Variants in CDC42BPA observed in about 807,000 individuals in gnomAD.
The protein encoded by CDC42BPA is serine/threonine-protein kinase MRCK alpha.
CDC42BPA carries 80 observed loss-of-function variants against 223.5 expected under a neutral mutation model. The ratio of observed to expected loss-of-function variants is 0.36; its 90% confidence interval spans 0.30 to 0.43. The LOEUF (loss-of-function observed/expected upper bound fraction) is 0.43. Ranked by LOEUF, CDC42BPA falls within the 20% of genes least tolerant of loss-of-function variation. The pLI is 1.00. For synonymous variants in CDC42BPA, 694 were observed against 718.6 expected (o/e 0.97, Z 0.55); for missense variants, 1,743 against 2,099.9 (o/e 0.83, Z 3.32).
intron 12 of CDC42BPA, among the ~76,000 whole-genome samples, chr1:227,119,079 A>G (rs1688218460): frequency 6.6e-6 from 1 of 152,104 alleles, no homozygotes; most frequent in African/African-American, 2.4e-5. Flanking sequence ...TTATATTAAT[A>G]TATTACATCA....
intron 17 of CDC42BPA, among the ~76,000 whole-genome samples, chr1:227,078,429 T>C (rs1260238200): frequency 6.6e-6 from 1 of 152,180 alleles, no homozygotes; most frequent in African/African-American, 2.4e-5. Flanking sequence ...GTATCTCTTA[T>C]TGTACCAGAA....
At position 227,026,055 on chromosome 1, in the gene CDC42BPA, C is replaced by A; in HGVS notation, c.4530G>T (p.Lys1510Asn). The A allele has an allele frequency of 6.4e-7, 1 of 1,550,646 alleles. No homozygotes were observed. The highest frequency in any genetic ancestry group is 8.9e-7 in the Non-Finnish European group (1 of 1,129,238). ...MEWIQTLPLKKVRPLNNEGSL... is the reference protein window; with the variant it reads ...MEWIQTLPLKNVRPLNNEGSL... ...AGCCCACATTTTAATGTTAAATTAC[C>A]TTTTTGAGAGGAAGAGTCTGAATCC... The change falls in exon 31 of 37, where the codon AAG becomes AAT. Residue 1510 changes from lysine (K) to asparagine (N), a missense_variant and splice_region_variant. By Grantham distance (94) the Lys-to-Asn change is moderately conservative (BLOSUM62 0). Coordinates refer to ENST00000366766, the MANE Select transcript of CDC42BPA (RefSeq NM_001394014.1).
intron 1 of CDC42BPA, among the ~76,000 whole-genome samples, chr1:227,277,003 C>A (rs1687203138): frequency 6.6e-6 from 1 of 151,572 alleles, no homozygotes; most frequent in African/African-American, 2.4e-5. Flanking sequence ...ATCTGCTAAC[C>A]TTCCCTCCAC....
intron 16 of CDC42BPA, among the ~76,000 whole-genome samples, chr1:227,084,981 T>C (rs1234037942): frequency 6.6e-6 from 1 of 152,178 alleles, no homozygotes; most frequent in Non-Finnish European, 1.5e-5. Flanking sequence ...AGCTGTGACA[T>C]CAGCTTCTCC....
intron 12 of CDC42BPA, among the ~76,000 whole-genome samples, chr1:227,118,386 T>G (rs1688103150): frequency 6.6e-6 from 1 of 152,122 alleles, no homozygotes; most frequent in South Asian, 2.1e-4. Flanking sequence ...GCTATTTTTT[T>G]TAAAAGACAA....
intron 1 of CDC42BPA, among the ~76,000 whole-genome samples, chr1:227,306,413 A>G (rs574392862): frequency 1.3e-5 from 2 of 152,358 alleles, no homozygotes; most frequent in African/African-American, 4.8e-5. Flanking sequence ...AGAGGTACAT[A>G]GGCAAAAGAG....
At chr1:227,276,685 T>C (rs1488196963) in intron 1 of CDC42BPA, among the ~76,000 whole-genome samples, 6 of 152,232 alleles carry the variant, frequency 3.9e-5, no homozygotes, top group African/African-American at 2.4e-5. Flanking sequence ...GCTGTGTCTG[T>C]GTAGAAAGAA....
intron 5 of CDC42BPA, among the ~76,000 whole-genome samples, chr1:227,184,226 A>AT (rs545971991): frequency 1.1e-4 from 16 of 151,654 alleles, no homozygotes; most frequent in African/African-American, 2.9e-4. Context: ...ATTTTTATTG[A>AT]TTTTTTTTGT....
intron 34 of CDC42BPA, 107 bp downstream of exon 34, chr1:227,015,973 C>T (rs990761000): frequency 1.5e-6 from 1 of 673,762 alleles, no homozygotes; most frequent in Non-Finnish European, 2.7e-6. Flanking sequence ...GAAACATTTC[C>T]TCATTACTTT....
chr1:227,253,520 C>T (rs1315274355), intron 2 of CDC42BPA, among the ~76,000 whole-genome samples: 4 of 109,514 alleles, frequency 3.7e-5, no homozygotes, highest in Admixed American at 8.2e-5. Flanking sequence ...CACTTGAATC[C>T]GGGAGGTGGA....
chr1:227,214,906 T>A (rs758222988), intron 2 of CDC42BPA, among the ~76,000 whole-genome samples: 26 of 152,156 alleles, frequency 1.7e-4, no homozygotes, highest in Non-Finnish European at 2.9e-4. Flanking sequence ...TGCCAGGCAC[T>A]ATGGTAAGAG....
intron 2 of CDC42BPA, among the ~76,000 whole-genome samples, chr1:227,245,897 T>G (rs1680859065): frequency 6.6e-6 from 1 of 152,158 alleles, no homozygotes. Context: ...CCAGTTGTGG[T>G]GGCCACTGTG....
intron 6 of CDC42BPA, among the ~76,000 whole-genome samples, chr1:227,159,766 T>C (rs1002296989): frequency 6.6e-6 from 1 of 152,114 alleles, no homozygotes; most frequent in Admixed American, 6.6e-5. Context: ...ACTCAAGTGA[T>C]CCTCTTGCCT....
At chr1:227,152,675 C>G (rs192402778) in intron 6 of CDC42BPA, among the ~76,000 whole-genome samples, 1 of 151,964 alleles carries the variant, frequency 6.6e-6, no homozygotes, top group African/African-American at 2.4e-5. Flanking sequence ...ATAAACTGCA[C>G]GTAAGATACT....
chr1:227,212,339 A>G (rs1421073568), intron 3 of CDC42BPA, among the ~76,000 whole-genome samples: 1 of 152,156 alleles, frequency 6.6e-6, no homozygotes, highest in Non-Finnish European at 1.5e-5. Context: ...AGATTTCTAA[A>G]GGCGAATTTG....
chr1:227,222,681 T>G (rs1676156027), intron 2 of CDC42BPA, among the ~76,000 whole-genome samples: 1 of 152,208 alleles, frequency 6.6e-6, no homozygotes, highest in African/African-American at 2.4e-5. Context: ...TCTGTTAGCA[T>G]TAGATCATAC....
chr1:227,041,510 G>C (rs1006818752), intron 23 of CDC42BPA, among the ~76,000 whole-genome samples: 2 of 151,858 alleles, frequency 1.3e-5, no homozygotes, highest in African/African-American at 4.8e-5. Context: ...ACTAACATAT[G>C]AACAAAAAAC....
intron 14 of CDC42BPA, among the ~76,000 whole-genome samples, chr1:227,106,742 A>G (rs1206232743): frequency 1.3e-5 from 2 of 152,188 alleles, no homozygotes; most frequent in Non-Finnish European, 2.9e-5. Context: ...TAATTTGTAT[A>G]ACTGGTGTGA....
chr1:227,112,139 A>G lies in CDC42BPA; in HGVS notation c.2001+173T>C, dbSNP rs1687027808. 5 of 424,096 alleles carry G rather than the reference A, an allele frequency of 1.2e-5. No homozygotes were observed. The East Asian group carries it at 1.8e-4, about 15-fold the overall frequency. 26.3% of individuals were successfully genotyped at this position (424,096 alleles called of 1,614,324 possible). A position where few individuals can be genotyped will look rare whatever the true frequency, so the allele number is the denominator to read the frequency against. ...CATAGTCCTCCATTTTCTTCAGCATAATTAAGAAATCTGTATTAGCTTCCT... is the reference window on the plus strand; with the variant it reads ...CATAGTCCTCCATTTTCTTCAGCATGATTAAGAAATCTGTATTAGCTTCCT... On this transcript the variant is annotated intron_variant, in intron 14 of 36. Coordinates refer to ENST00000366766, the MANE Select transcript of CDC42BPA (RefSeq NM_001394014.1).
Sources: allele counts gnomAD v4.1 joint callset (sites outside exome capture counted in the v4.1 genomes callset), GRCh38; gene constraint gnomAD v4.1.1; transcripts MANE v1.5; gene names NCBI Gene and HGNC (gene_info 2026-07-23, HGNC 2026-07-21).